Variants in MOV10L1 observed in about 807,000 individuals in gnomAD.
MOV10L1 encodes the protein Mov10 like RNA helicase 1.
Under a neutral mutation model 143.8 loss-of-function variants are expected in MOV10L1, and 110 were observed. That is an observed-to-expected ratio of 0.76 (90% CI 0.66 to 0.90). The LOEUF (loss-of-function observed/expected upper bound fraction) is 0.90, where lower values mean the gene tolerates loss of function less well. Ranked by LOEUF, MOV10L1 falls within the 40% of genes least tolerant of loss-of-function variation. The pLI, the probability that MOV10L1 is intolerant of heterozygous loss-of-function variation, is 0.00. For missense variants in MOV10L1, 1,406 were observed against 1,526.8 expected, an observed-to-expected ratio of 0.92 and a Z score of 1.32; for synonymous variants, 593 against 581.1, an observed-to-expected ratio of 1.02 and a Z score of -0.29.
chr22:50,109,036 C>T (rs1292371085), intron 5 of MOV10L1, among the ~76,000 whole-genome samples, 192 bp downstream of exon 5: 3 of 151,800 alleles, frequency 2.0e-5, no homozygotes, highest in Non-Finnish European at 4.4e-5. Flanking sequence ...CCCAGCTACT[C>T]GGGAGGCTGA....
intron 22 of MOV10L1, 100 bp downstream of exon 22, chr22:50,153,318 G>T (rs2063345562): frequency 1.5e-6 from 2 of 1,362,684 alleles, no homozygotes; most frequent in African/African-American, 2.9e-5. Context: ...GCCTGTGGCG[G>T]GGCAGATGTT....
chr22:50,123,243 A>G (rs1377414308), intron 10 of MOV10L1, among the ~76,000 whole-genome samples: 1 of 151,044 alleles, frequency 6.6e-6, no homozygotes, highest in Non-Finnish European at 1.5e-5. Context: ...CTGTATTGAG[A>G]TGATCATATG....
chr22:50,103,393 T>C (rs1417366424), intron 3 of MOV10L1, among the ~76,000 whole-genome samples: 3 of 152,148 alleles, frequency 2.0e-5, no homozygotes, highest in Non-Finnish European at 4.4e-5. Context: ...GCAGCTAAAA[T>C]TGAATTGGAC....
chr22:50,116,305 G>A (rs2062173829), intron 8 of MOV10L1, among the ~76,000 whole-genome samples: 1 of 151,848 alleles, frequency 6.6e-6, no homozygotes, highest in Admixed American at 6.6e-5. Context: ...AAATTAGCTG[G>A]GCGTGGTGGC....
At chr22:50,148,856 G>A (rs1475653293) in intron 19 of MOV10L1, among the ~76,000 whole-genome samples, 3 of 152,080 alleles carry the variant, frequency 2.0e-5, no homozygotes, top group African/African-American at 2.4e-5. Context: ...AGTAGAGACG[G>A]GGTTTCACCG....
At chr22:50,133,573 C>G (rs1330013798) in intron 13 of MOV10L1, among the ~76,000 whole-genome samples, 1 of 151,422 alleles carries the variant, frequency 6.6e-6, no homozygotes, top group Non-Finnish European at 1.5e-5. Flanking sequence ...CAGAGTCTCA[C>G]TCTGTCACCC....
intron 9 of MOV10L1, among the ~76,000 whole-genome samples, chr22:50,119,323 C>T (rs921401082): frequency 6.6e-6 from 1 of 152,128 alleles, no homozygotes; most frequent in African/African-American, 2.4e-5. Flanking sequence ...CCTGCCCACG[C>T]GGGCATTGGC....
chr22:50,145,795 A>G lies in MOV10L1; in HGVS notation c.2612A>G (p.Tyr871Cys), dbSNP rs2063136394. The G allele has an allele frequency of 6.2e-7, 1 of 1,613,964 alleles. No individual in the cohort carries two copies. The highest frequency in any genetic ancestry group is 8.5e-7 in the Non-Finnish European group (1 of 1,180,002). The change falls in exon 19 of 27, where the codon TAC becomes TGC. Residue 871 changes from tyrosine to cysteine, a missense_variant. Physicochemically the swap from Tyr to Cys is radical, Grantham distance 194. Transcript: ENST00000262794. The stretch of plus-strand genomic sequence containing the variant: ...ACATGCAGCAGCTCAGGGCTGTTTT[A>G]CCAAATAGGAGTGAGGTGAGCCCCG... Reference protein sequence around the residue: ...ITTCSSSGLFYQIGVRVGHFT... With the variant: ...ITTCSSSGLFCQIGVRVGHFT...
At chr22:50,117,123 G>A (rs746759817) in intron 8 of MOV10L1, 34 bp from the exon 9 acceptor site, 5 of 1,580,058 alleles carry the variant, frequency 3.2e-6, no homozygotes, top group Middle Eastern at 1.7e-4. Flanking sequence ...TCTTATTTAT[G>A]ACTAAAACTA....
At chr22:50,115,508 G>A (rs541494371) in intron 8 of MOV10L1, among the ~76,000 whole-genome samples, 139 of 152,182 alleles carry the variant, frequency 9.1e-4, no homozygotes, top group African/African-American at 3.1e-3. Flanking sequence ...AGCCAAGATC[G>A]CACGACTGCA....
At position 50,158,284 on chromosome 22, in the gene MOV10L1, C is replaced by G. The variant is rs750036044; in HGVS notation, c.3216+78C>G. On this transcript the variant is annotated intron_variant, in intron 23 of 26. Transcript: ENST00000262794. This position sits in a 1 kb window ranked among gnomAD's most constrained non-coding sequence, Gnocchi z 5.0. ...CTTGGCTCCTGCAGCTCCACAGAGG[C>G]AGGAACAAGCTCCTTGTGAGCAGCA... 2 of 1,554,990 alleles carry G rather than the reference C, an allele frequency of 1.3e-6. No homozygotes were observed. Among genetic ancestry groups the G allele is most frequent in the African/African-American group, 2.7e-5 (2 of 73,426 alleles).
intron 13 of MOV10L1, among the ~76,000 whole-genome samples, chr22:50,132,222 A>G (rs1398758791): frequency 1.3e-5 from 2 of 152,198 alleles, no homozygotes. Context: ...TGCCTTTATG[A>G]TAAGTCTCAA....
At chr22:50,117,905 G>A (rs2062226729) in intron 9 of MOV10L1, among the ~76,000 whole-genome samples, 2 of 152,132 alleles carry the variant, frequency 1.3e-5, no homozygotes, top group Admixed American at 1.3e-4. Context: ...ACATCCACGT[G>A]TTCTCTTCTG....
rs117051591 is a variant in MOV10L1, at chr22:50,152,295, G to A, written c.2893-750G>A. Among the ~76,000 whole-genome samples the A allele has an allele frequency of 4.6e-5, 7 of 152,332 alleles. No homozygotes were observed. In the East Asian group the frequency reaches 1.4e-3, roughly 29 times the overall value. On this transcript the variant is annotated intron_variant, in intron 21 of 26. Coordinates refer to ENST00000262794, the MANE Select transcript of MOV10L1 (RefSeq NM_018995.3). This position sits in a 1 kb window ranked among gnomAD's most constrained non-coding sequence, Gnocchi z 4.4. ...GGTGCAGCATTGCATAGAGAGGACGGCTCCCCGCGGCACAGACGCAGCGAG... is the reference window on the plus strand; with the variant it reads ...GGTGCAGCATTGCATAGAGAGGACGACTCCCCGCGGCACAGACGCAGCGAG...
intron 26 of MOV10L1, 115 bp from the exon 27 acceptor site, chr22:50,161,253 A>G (rs2063552680): frequency 9.7e-7 from 1 of 1,029,408 alleles, no homozygotes; most frequent in African/African-American, 1.6e-5. Context: ...TTTCCCACAT[A>G]GGCTAACAGG....
chr22:50,145,247 T>C, intron 18 of MOV10L1, among the ~76,000 whole-genome samples: 1 of 152,194 alleles, frequency 6.6e-6, no homozygotes, highest in East Asian at 1.9e-4. Context: ...CAGCCTGAAA[T>C]ATTGCGTTTA....
At chr22:50,099,411 T>C (rs1411545158) in intron 2 of MOV10L1, 32 bp from the exon 3 acceptor site, 9 of 1,599,158 alleles carry the variant, frequency 5.6e-6, no homozygotes, top group Non-Finnish European at 7.7e-6. Flanking sequence ...AGTTCTCGTA[T>C]TATGGTTTAG....
chr22:50,151,968 C>G (rs1418000697), intron 21 of MOV10L1, among the ~76,000 whole-genome samples: 1 of 152,248 alleles, frequency 6.6e-6, no homozygotes, highest in African/African-American at 2.4e-5. Flanking sequence ...CTTTCTCTTC[C>G]CCAGCAGCTG....
In MOV10L1 at chr22:50,153,204, T is replaced by G; in HGVS notation, c.3052T>G (p.Phe1018Val). Residue 1018 changes from phenylalanine to valine, a missense_variant, in exon 22 of 27, where the codon TTC becomes GTC. By Grantham distance (50) the Phe-to-Val change is conservative. Coordinates refer to ENST00000262794, the MANE Select transcript of MOV10L1 (RefSeq NM_018995.3). Reference protein sequence around the residue: ...KLPKKGFPLIFHGVRGSEARE... With the variant: ...KLPKKGFPLIVHGVRGSEARE... Reference sequence around the variant, plus strand: ...GCCTAAGAAAGGCTTCCCTCTCATCTTCCATGGTGTGCGGGTGAGTTGTGT... The same window carrying G: ...GCCTAAGAAAGGCTTCCCTCTCATCGTCCATGGTGTGCGGGTGAGTTGTGT... 1 of 1,613,724 alleles carries G rather than the reference T, an allele frequency of 6.2e-7. No individual in the cohort carries two copies. The highest frequency in any genetic ancestry group is 8.5e-7 in the Non-Finnish European group (1 of 1,179,684).
Sources: allele counts gnomAD v4.1 joint callset (sites outside exome capture counted in the v4.1 genomes callset), GRCh38; gene constraint gnomAD v4.1.1; non-coding constraint Gnocchi (gnomAD v3.1); transcripts MANE v1.5; gene names NCBI Gene and HGNC (gene_info 2026-07-23, HGNC 2026-07-21).